NOTCH2NLC: variants seen among roughly 807,000 people sequenced by gnomAD.
The protein encoded by NOTCH2NLC is notch homolog 2 N-terminal-like protein C.
Under a neutral mutation model 17.7 loss-of-function variants are expected in NOTCH2NLC, and 4 were observed. The observed-to-expected ratio is 0.23, with a 90% CI of 0.11 to 0.52. NOTCH2NLC has a LOEUF of 0.52. NOTCH2NLC is among the 20% of genes least tolerant of loss of function. The pLI, the probability that NOTCH2NLC is intolerant of heterozygous loss-of-function variation, is 0.96. For missense variants in NOTCH2NLC, 57 were observed against 207.2 expected (o/e 0.28, Z 4.45); for synonymous variants, 18 against 86.0 (o/e 0.21, Z 4.38).
chr1:149,448,708 A>C lies in NOTCH2NLC; in HGVS notation c.210-6610A>C, dbSNP rs1452977431. Reference sequence around the variant, plus strand: ...AGGTCATGGTTCAGCTCTGTGCTGCACTGGTAAGAACATGTGTTAAGCCTT... The same window carrying C: ...AGGTCATGGTTCAGCTCTGTGCTGCCCTGGTAAGAACATGTGTTAAGCCTT... On this transcript the variant is annotated intron_variant, in intron 2 of 4. Coordinates refer to ENST00000650865, the MANE Select transcript of NOTCH2NLC (RefSeq NM_001364013.2). Among the ~76,000 whole-genome samples the C allele has an allele frequency of 1.3e-5, 2 of 150,410 alleles. 1 individual carries two copies. The highest frequency in any genetic ancestry group is 3.0e-5 in the Non-Finnish European group (2 of 67,352).
chr1:149,425,409 G>T (rs1208424970), intron 1 of NOTCH2NLC, among the ~76,000 whole-genome samples: 1 of 151,308 alleles, frequency 6.6e-6, no homozygotes, highest in Non-Finnish European at 1.5e-5. Context: ...ATGCGTGGAG[G>T]AATGGAACTG....
At chr1:149,419,881 T>TCC (rs1553704625) in intron 1 of NOTCH2NLC, among the ~76,000 whole-genome samples, 25 of 118,386 alleles carry the variant, frequency 2.1e-4, no homozygotes, top group African/African-American at 7.7e-4. Flanking sequence ...TTTTTTTTTT[T>TCC]CCTCAGGCAG....
Position 149,393,735 on chromosome 1 carries a change from TTTC to T in NOTCH2NLC, c.135+2816_135+2818del, listed in dbSNP as rs1559602537. ...AACCTAAAACTATTTTTCCTTTCAC[TTTC>T]TTATTATTCCTTTTTTTTTTGGTGT... On this transcript the variant is annotated intron_variant, in intron 1 of 4. Transcript: ENST00000650865. Among the ~76,000 whole-genome samples, 6 of 139,324 alleles carry T rather than the reference TTTC, an allele frequency of 4.3e-5. No individual in the cohort carries two copies. In the South Asian group the frequency reaches 1.5e-3, roughly 35 times the overall value. The allele number at this position is 139,324 out of a possible 152,430, so 91.4% of individuals were successfully genotyped here.
chr1:149,458,150 C>CA (rs2084623814), intron 3 of NOTCH2NLC, among the ~76,000 whole-genome samples: 1 of 108,910 alleles, frequency 9.2e-6, no homozygotes, highest in Non-Finnish European at 2.0e-5. Flanking sequence ...TCTTATGTCA[C>CA]ATGATAAAGG....
rs1174142866 is a variant in NOTCH2NLC at position 149,471,205 on chromosome 1, A to T, written c.*7052A>T. Among the ~76,000 whole-genome samples, 8 of 151,272 alleles carry T rather than the reference A, an allele frequency of 5.3e-5. No individual in the cohort carries two copies. Among genetic ancestry groups the T allele is most frequent in the African/African-American group, 9.7e-5 (4 of 41,196 alleles). On this transcript the variant is annotated 3_prime_UTR_variant, in exon 5 of 5. Coordinates refer to ENST00000650865, the MANE Select transcript of NOTCH2NLC (RefSeq NM_001364013.2). ...TATTGAACTGTAATAGTTTTAAAAA[A>T]ATATATCCTAAATACAAGTCTCTTA... is the stretch of plus-strand genomic sequence containing the variant.
chr1:149,432,377 G>C (rs1396933660), intron 2 of NOTCH2NLC, among the ~76,000 whole-genome samples: 1 of 150,622 alleles, frequency 6.6e-6, no homozygotes, highest in Non-Finnish European at 1.5e-5. Flanking sequence ...CTTAACAATA[G>C]GTTGTTTGGA....
At chr1:149,460,060 A>T (rs1428316847) in intron 3 of NOTCH2NLC, among the ~76,000 whole-genome samples, 1 of 125,980 alleles carries the variant, frequency 7.9e-6, no homozygotes, top group African/African-American at 3.0e-5. Flanking sequence ...GGTAGTTAGG[A>T]TGATCCATGA....
rs1476580128 is a variant in NOTCH2NLC at position 149,392,576 on chromosome 1, T to G, written c.135+1654T>G. Among the ~76,000 whole-genome samples the G allele has an allele frequency of 7.1e-3, 1,077 of 151,200 alleles. 33 individuals are homozygous for G. Among genetic ancestry groups the G allele is most frequent in the Non-Finnish European group, 0.011 (759 of 67,600 alleles). The stretch of plus-strand genomic sequence containing the variant: ...TTTCCTTTTTCTTTGAATGAAAGCT[T>G]TAAGTGTAGCTTTAGGATAGAGAGG... On this transcript the variant is annotated intron_variant, in intron 1 of 4. Coordinates refer to ENST00000650865, the MANE Select transcript of NOTCH2NLC (RefSeq NM_001364013.2).
chr1:149,393,388 G>T (rs1393482019), intron 1 of NOTCH2NLC, among the ~76,000 whole-genome samples: 12 of 150,922 alleles, frequency 8.0e-5, no homozygotes, highest in Non-Finnish European at 1.2e-4. Context: ...TACAGTGAAG[G>T]CTTCTTGAAT....
At chr1:149,463,180 G>T (rs2084661260) in intron 3 of NOTCH2NLC, among the ~76,000 whole-genome samples, 1 of 150,646 alleles carries the variant, frequency 6.6e-6, no homozygotes, top group African/African-American at 2.4e-5. Flanking sequence ...AGACAGCTCT[G>T]AGAGAGTAGA....
chr1:149,427,471 C>A (rs1168120428), intron 1 of NOTCH2NLC, among the ~76,000 whole-genome samples: 3 of 141,034 alleles, frequency 2.1e-5, no homozygotes, highest in Non-Finnish European at 3.1e-5. Context: ...AATAGTATTC[C>A]ATTGTATGTA....
rs1171555647 is a variant in NOTCH2NLC at position 149,417,097 on chromosome 1, CTTTTTTTTTTTTT to C, written c.136-13827_136-13815del. ...AGATTATGGTGGATATCAGGTTTTC[CTTTTTTTTTTTTT>C]TTTTTTTTTTTTTTTTTGAGACAGA... On this transcript the variant is annotated intron_variant, in intron 1 of 4. Coordinates refer to ENST00000650865, the MANE Select transcript of NOTCH2NLC (RefSeq NM_001364013.2). Among the ~76,000 whole-genome samples the C allele has an allele frequency of 2.1e-3, 149 of 69,598 alleles. 2 individuals carry two copies. The highest frequency in any genetic ancestry group is 6.1e-3 in the African/African-American group (125 of 20,342). 45.7% of individuals were successfully genotyped at this position (69,598 alleles called of 152,430 possible).
chr1:149,391,141 C>T (rs1312130759), intron 1 of NOTCH2NLC, among the ~76,000 whole-genome samples: 2 of 59,346 alleles, frequency 3.4e-5, no homozygotes, highest in Non-Finnish European at 3.4e-5. Flanking sequence ...CCGGGGTTCC[C>T]CGCCGCCTCT....
intron 1 of NOTCH2NLC, among the ~76,000 whole-genome samples, chr1:149,425,430 C>T (rs1223501565): frequency 4.6e-5 from 7 of 151,210 alleles, no homozygotes; most frequent in Non-Finnish European, 7.4e-5. Context: ...AGTTCAATGA[C>T]GATCTGTTCA....
At chr1:149,391,436 CG>C (rs1479124998) in intron 1 of NOTCH2NLC, among the ~76,000 whole-genome samples, 1 of 76,720 alleles carries the variant, frequency 1.3e-5, no homozygotes, top group African/African-American at 5.1e-5. Flanking sequence ...GCACATGGGC[CG>C]GGTGTGTGGG....
chr1:149,449,305 A>AG (rs2084576199), intron 2 of NOTCH2NLC, among the ~76,000 whole-genome samples: 1 of 150,352 alleles, frequency 6.7e-6, no homozygotes, highest in East Asian at 2.0e-4. Flanking sequence ...AATATACAAT[A>AG]CATAGTTAAG....
intron 2 of NOTCH2NLC, among the ~76,000 whole-genome samples, chr1:149,441,072 C>T (rs1260560949): frequency 0.011 from 1,570 of 149,298 alleles, 48 homozygotes; most frequent in Non-Finnish European, 0.013. Flanking sequence ...CCATGTTTTG[C>T]GAGGAAAATC....
In NOTCH2NLC at chr1:149,395,132, TATAAC is replaced by T. The variant is rs1263708170; in HGVS notation, c.135+4213_135+4217del. On this transcript the variant is annotated intron_variant, in intron 1 of 4. Transcript: ENST00000650865. ...ATGCGCTTATGTGCACAAAAACTCT[TATAAC>T]ATCCTCAAGTGCTTATTGTTAATGC... Among the ~76,000 whole-genome samples the T allele has an allele frequency of 3.1e-4, 47 of 150,230 alleles. 1 individual carries two copies. The highest frequency in any genetic ancestry group is 1.1e-3 in the African/African-American group (46 of 40,840).
At chr1:149,393,091 A>G (rs2084184757) in intron 1 of NOTCH2NLC, among the ~76,000 whole-genome samples, 1 of 149,308 alleles carries the variant, frequency 6.7e-6, no homozygotes, top group African/African-American at 2.5e-5. Flanking sequence ...AAAAAAAAAA[A>G]AAAGTATTAA....
Sources: allele counts gnomAD v4.1 joint callset (sites outside exome capture counted in the v4.1 genomes callset), GRCh38; gene constraint gnomAD v4.1.1; transcripts MANE v1.5; gene names NCBI Gene and HGNC (gene_info 2026-07-23, HGNC 2026-07-21).